Variants in DRAM2 observed in about 807,000 individuals in gnomAD.
DRAM2 encodes the protein DNA damage regulated autophagy modulator 2.
A neutral mutation model predicts 33.5 loss-of-function variants in DRAM2; 26 were observed. That is an observed-to-expected ratio of 0.78 (90% confidence interval 0.57 to 1.08). The LOEUF (loss-of-function observed/expected upper bound fraction) is 1.08. Ranked by LOEUF, DRAM2 falls within the 50% of genes least tolerant of loss-of-function variation. The probability of loss-of-function intolerance (pLI) is 0.00; values close to 1 mark genes in which losing one functional copy is unlikely to be tolerated. For synonymous variants in DRAM2, 98 were observed against 109.5 expected (o/e 0.89, Z 0.66); for missense variants, 311 against 318.1 (o/e 0.98, Z 0.17).
chr1:111,120,678 CA>C lies in DRAM2; in HGVS notation c.354del (p.Phe118LeufsTer5), dbSNP rs34643835. The part of the protein sequence containing the change: ...IVANFQKTTL[F>X]AAHVSGAVLT... ...AGCACAGCTCCACTTACATGTGCAGCAAAAAGGGTTGTTTTCTGAGAGATAG... is the reference window on the plus strand; with the variant it reads ...AGCACAGCTCCACTTACATGTGCAGCAAAAGGGTTGTTTTCTGAGAGATAG... On this transcript the variant is annotated frameshift_variant, in exon 7 of 10. Coordinates refer to ENST00000484310, the MANE Select transcript of DRAM2 (RefSeq NM_001349884.2). LOFTEE classifies it high-confidence loss of function. 6.5e-7 allele frequency: 1 copy of C among 1,542,046 alleles called. No homozygotes were observed.
intron 9 of DRAM2, 176 bp from the exon 10 acceptor site, chr1:111,118,443 C>T (rs1649352394): frequency 1.9e-6 from 1 of 513,714 alleles, no homozygotes; most frequent in Admixed American, 3.7e-5. Context: ...CTGGAAAAAC[C>T]AAGCTTCTCA....
intron 4 of DRAM2, among the ~76,000 whole-genome samples, chr1:111,130,872 T>C (rs937617961): frequency 7.3e-5 from 11 of 150,446 alleles, no homozygotes; most frequent in African/African-American, 2.7e-4. Flanking sequence ...CTGGGCGTAG[T>C]GATGCACGCC....
chr1:111,134,399 C>T lies in DRAM2; in HGVS notation c.-14-2831G>A, dbSNP rs1652727749. 2.0e-5 allele frequency among the ~76,000 whole-genome samples: 3 copies of T among 151,814 alleles called. No homozygotes were observed. The South Asian group carries it at 6.2e-4, about 32-fold the overall frequency. ...ACTGACTTTCCAAAGAATGAAATCT[C>T]AGCCATTTTTTATTGGTATTTGTCA... On this transcript the variant is annotated intron_variant, in intron 3 of 9. Transcript: ENST00000484310.
intron 9 of DRAM2, chr1:111,118,520 A>T: frequency 4.1e-6 from 2 of 491,594 alleles, no homozygotes; most frequent in Non-Finnish European, 3.6e-6. Flanking sequence ...GTTGAGAATG[A>T]CCTATGTAAA....
chr1:111,137,580 G>A lies in DRAM2; in HGVS notation c.-72C>T, dbSNP rs760792286. The A allele has an allele frequency of 2.6e-5, 4 of 152,122 alleles. No individual in the cohort carries two copies. Among genetic ancestry groups the A allele is most frequent in the Admixed American group, 6.5e-5 (1 of 15,274 alleles). 9.4% of individuals were successfully genotyped at this position (152,122 alleles called of 1,614,324 possible). A position where few individuals can be genotyped will look rare whatever the true frequency, so the allele number is the denominator to read the frequency against. ...AGACCTGCTCATACCTGCACCTTTT[G>A]TAAATCCTAAAACCGACACAAAGAA... On this transcript the variant is annotated 5_prime_UTR_variant, in exon 3 of 10. Coordinates refer to ENST00000484310, the MANE Select transcript of DRAM2 (RefSeq NM_001349884.2).
intron 3 of DRAM2, among the ~76,000 whole-genome samples, chr1:111,136,673 T>C (rs1041488448): frequency 1.3e-5 from 2 of 152,186 alleles, no homozygotes; most frequent in Non-Finnish European, 2.9e-5. Context: ...CACTGCTACA[T>C]GTAACTATTT....
rs1273302833 is a variant in DRAM2, at chr1:111,118,851, G to A, written c.647C>T (p.Ser216Leu). The A allele has an allele frequency of 9.9e-6, 16 of 1,610,220 alleles. No homozygotes were observed. Among genetic ancestry groups the A allele is most frequent in the South Asian group, 1.1e-5 (1 of 90,754 alleles). ...MITTAAEWSMSFSFFGFFLTY... is the reference protein window; with the variant it reads ...MITTAAEWSMLFSFFGFFLTY... Reference sequence around the variant, plus strand: ...CAGGAAAAAACCAAAGAAGGAAAATGACATAGACCATTCTGCTGCAGTAGT... The same window carrying A: ...CAGGAAAAAACCAAAGAAGGAAAATAACATAGACCATTCTGCTGCAGTAGT... Residue 216 changes from serine (S) to leucine (L), a missense_variant, in exon 9 of 10, where the codon TCA becomes TTA. By Grantham distance (145) the Ser-to-Leu change is moderately radical. Transcript: ENST00000484310.
At chr1:111,126,799 T>C (rs533774774) in intron 4 of DRAM2, among the ~76,000 whole-genome samples, 4 of 152,286 alleles carry the variant, frequency 2.6e-5, no homozygotes, top group South Asian at 2.1e-4. Context: ...ATAAGTAAAA[T>C]AGACAAAGCC....
chr1:111,124,460 T>C (rs1392693178), intron 6 of DRAM2, among the ~76,000 whole-genome samples: 1 of 152,188 alleles, frequency 6.6e-6, no homozygotes, highest in Non-Finnish European at 1.5e-5. Flanking sequence ...CAGTAGTGAG[T>C]TGAAGTAATC....
intron 4 of DRAM2, among the ~76,000 whole-genome samples, chr1:111,130,956 G>A (rs1267415914): frequency 1.3e-5 from 2 of 151,700 alleles, no homozygotes; most frequent in Non-Finnish European, 2.9e-5. Context: ...GCAGTGAGGT[G>A]AGCTGAGATC....
At chr1:111,137,145 C>T (rs1031328808) in intron 3 of DRAM2, among the ~76,000 whole-genome samples, 55 of 147,734 alleles carry the variant, frequency 3.7e-4, no homozygotes, top group Middle Eastern at 3.8e-3. Context: ...CCCAGCTACT[C>T]GGGACGCTGA....
At chr1:111,129,672 T>C (rs1651681787) in intron 4 of DRAM2, among the ~76,000 whole-genome samples, 1 of 152,114 alleles carries the variant, frequency 6.6e-6, no homozygotes, top group South Asian at 2.1e-4. Flanking sequence ...CTACCTCATA[T>C]CAACATCAGT....
intron 6 of DRAM2, among the ~76,000 whole-genome samples, chr1:111,124,428 CTAATTTA>C (rs2101039978): frequency 6.6e-6 from 1 of 152,262 alleles, no homozygotes; most frequent in East Asian, 1.9e-4. Context: ...TGTGTCACTT[CTAATTTA>C]TATCAATTTT....
chr1:111,121,461 ATATTT>A (rs1205445215), intron 6 of DRAM2, among the ~76,000 whole-genome samples: 1 of 152,090 alleles, frequency 6.6e-6, no homozygotes, highest in East Asian at 1.9e-4. Context: ...ACCCAGTTTG[ATATTT>A]TATTATGGCA....
intron 6 of DRAM2, among the ~76,000 whole-genome samples, chr1:111,124,331 A>G (rs1487520413): frequency 6.6e-6 from 1 of 152,252 alleles, no homozygotes; most frequent in Non-Finnish European, 1.5e-5. Context: ...CAGGCAATCA[A>G]TGAAAACATC....
At chr1:111,132,576 G>A (rs1397486426) in intron 3 of DRAM2, among the ~76,000 whole-genome samples, 4 of 152,122 alleles carry the variant, frequency 2.6e-5, no homozygotes, top group African/African-American at 9.7e-5. Context: ...TCCAATTGGT[G>A]TCAGCTGGTG....
At chr1:111,131,132 G>A (rs1028759278) in intron 4 of DRAM2, among the ~76,000 whole-genome samples, 10 of 151,972 alleles carry the variant, frequency 6.6e-5, no homozygotes, top group Admixed American at 1.3e-4. Context: ...TTTAAGCGGC[G>A]AATAATTCCA....
Position 111,118,129 on chromosome 1 carries a change from A to C in DRAM2, c.*31T>G, listed in dbSNP as rs765787363. ...AACCTTTCCCCAATCCCTGAGAATC[A>C]TAATCATTACAGAAATATTTTATCC... On this transcript the variant is annotated 3_prime_UTR_variant, in exon 10 of 10. Coordinates refer to ENST00000484310, the MANE Select transcript of DRAM2 (RefSeq NM_001349884.2). 1.7e-5 allele frequency: 27 copies of C among 1,596,902 alleles called. No individual in the cohort carries two copies. The highest frequency in any genetic ancestry group is 2.2e-5 in the Non-Finnish European group (26 of 1,164,750).
At chr1:111,131,001 G>A (rs1267317641) in intron 4 of DRAM2, among the ~76,000 whole-genome samples, 1 of 151,716 alleles carries the variant, frequency 6.6e-6, no homozygotes, top group East Asian at 1.9e-4. Flanking sequence ...GACAGAGCTA[G>A]ACTCCATCTC....
Sources: gnomAD v4.1 joint callset for allele counts (sites outside exome capture counted in the v4.1 genomes callset) on GRCh38, gnomAD v4.1.1 for gene constraint, MANE v1.5 for transcripts, NCBI Gene and HGNC (gene_info 2026-07-23, HGNC 2026-07-21) for gene names.